The following KYAT1 variants were observed in gnomAD, a reference collection of about 807,000 sequenced individuals.
The protein encoded by KYAT1 is kynurenine aminotransferase 1.
In KYAT1, 47 loss-of-function variants were observed where a neutral mutation model predicts 52.4. The observed-to-expected ratio is 0.90, with a 90% CI of 0.71 to 1.14. The LOEUF is 1.14. Ranked by LOEUF, KYAT1 falls within the 50% of genes most tolerant of loss-of-function variation. The pLI, the probability that KYAT1 is intolerant of heterozygous loss-of-function variation, is 0.00. For missense variants in KYAT1, 480 were observed against 557.9 expected (o/e 0.86, Z 1.41); for synonymous variants, 212 against 209.6 (o/e 1.01, Z -0.10).
intron 1 of KYAT1, among the ~76,000 whole-genome samples, chr9:128,876,510 C>T (rs533126217): frequency 2.6e-4 from 40 of 151,114 alleles, no homozygotes; most frequent in South Asian, 8.4e-4. Flanking sequence ...CTCCACCTCC[C>T]GGGTTCACGC....
intron 1 of KYAT1, among the ~76,000 whole-genome samples, chr9:128,856,448 G>A (rs564213441): frequency 1.3e-5 from 2 of 152,294 alleles, no homozygotes; most frequent in East Asian, 3.9e-4. Flanking sequence ...AGAAAAGGGG[G>A]ATATGTACGG....
At chr9:128,848,907 C>A (rs182978914) in intron 1 of KYAT1, among the ~76,000 whole-genome samples, 2 of 150,994 alleles carry the variant, frequency 1.3e-5, no homozygotes, top group East Asian at 3.9e-4. Flanking sequence ...GCGGGAGGAT[C>A]ATTTGAGGTC....
At chr9:128,877,096 C>T (rs1838156900) in intron 1 of KYAT1, among the ~76,000 whole-genome samples, 1 of 152,096 alleles carries the variant, frequency 6.6e-6, no homozygotes, top group East Asian at 1.9e-4. Flanking sequence ...TGGGGTTTCA[C>T]CATGTTGGCC....
At chr9:128,840,568 G>GA (rs369955556) in intron 3 of KYAT1, 1,362 of 287,080 alleles carry the variant, frequency 4.7e-3, no homozygotes, top group East Asian at 9.0e-3. Context: ...CTAGTTAAAA[G>GA]AAAAAAAAAA....
At chr9:128,852,727 C>T (rs1219733973) in intron 1 of KYAT1, among the ~76,000 whole-genome samples, 1 of 152,184 alleles carries the variant, frequency 6.6e-6, no homozygotes, top group Non-Finnish European at 1.5e-5. Context: ...CATTAAAAAA[C>T]ATTAAATGAC....
chr9:128,835,158 A>G, intron 11 of KYAT1, 165 bp downstream of exon 11: 1 of 672,770 alleles, frequency 1.5e-6, no homozygotes, highest in Non-Finnish European at 2.6e-6. Context: ...AAAGAAAGAA[A>G]AAAAGAAACA....
At chr9:128,856,456 C>A (rs571186308) in intron 1 of KYAT1, among the ~76,000 whole-genome samples, 1 of 152,088 alleles carries the variant, frequency 6.6e-6, no homozygotes, top group African/African-American at 2.4e-5. Flanking sequence ...GGGATATGTA[C>A]GGCAAAGAAA....
chr9:128,848,820 CAAA>C (rs746737161), intron 1 of KYAT1, among the ~76,000 whole-genome samples: 4 of 57,048 alleles, frequency 7.0e-5, no homozygotes, highest in African/African-American at 7.1e-5. Context: ...GACTCTGTCT[CAAA>C]AAAAAAAAAA....
chr9:128,837,636 A>G, intron 6 of KYAT1, 49 bp downstream of exon 6: 1 of 1,609,658 alleles, frequency 6.2e-7, no homozygotes, highest in Non-Finnish European at 8.5e-7. Context: ...ACAGTGCAGG[A>G]GACATGACCA....
chr9:128,835,383 C>T lies in KYAT1; in HGVS notation c.1062G>A (p.Leu354=), dbSNP rs767063824. ...ISDFKRKMPD[L]PGAVDEPYDR... is the part of the protein sequence containing the mutation. ...CATAGGGCTCATCCACAGCTCCAGG[C>T]AAGTCAGGCATCTTCCTCTCTGGGA... is the stretch of plus-strand genomic sequence containing the variant. The change falls in exon 11 of 13, where the codon TTG becomes TTA. Residue 354 remains leucine, a synonymous_variant. Transcript: ENST00000302586. 1.2e-6 allele frequency: 2 copies of T among 1,614,102 alleles called. No individual in the cohort carries two copies. Among genetic ancestry groups the T allele is most frequent in the East Asian group, 4.5e-5 (2 of 44,878 alleles).
intron 1 of KYAT1, chr9:128,846,989 C>A: frequency 1.2e-6 from 1 of 816,494 alleles, no homozygotes; most frequent in Non-Finnish European, 1.8e-6. Flanking sequence ...CTTGAAGAGG[C>A]TCAGGTACCT....
intron 11 of KYAT1, among the ~76,000 whole-genome samples, chr9:128,834,066 TG>T (rs1447154077): frequency 6.6e-6 from 1 of 152,146 alleles, no homozygotes; most frequent in East Asian, 1.9e-4. Context: ...AAGACCAGCC[TG>T]GCCAACATGG....
In KYAT1 at chr9:128,842,763, A is replaced by G. The variant is rs1832421842; in HGVS notation, c.92T>C (p.Val31Ala). The change falls in exon 3 of 13, where the codon GTG (valine) becomes GCG (alanine). Residue 31 changes from valine (V) to alanine (A), a missense_variant. Transcript: ENST00000302586. ...FVKLASEHDV[V>A]NLGQGFPDFP... is the part of the protein sequence containing the mutation. ...ATCCGGGAAGCCCTGGCCCAAGTTC[A>G]CGACGTCATGCTCACTGGCCAGTTT... 1 of 1,614,200 alleles carries G rather than the reference A, an allele frequency of 6.2e-7. No homozygotes were observed. The highest frequency in any genetic ancestry group is 8.5e-7 in the Non-Finnish European group (1 of 1,180,034).
chr9:128,841,232 C>A (rs1410930091), intron 3 of KYAT1, among the ~76,000 whole-genome samples: 2 of 152,086 alleles, frequency 1.3e-5, no homozygotes, highest in Non-Finnish European at 2.9e-5. Flanking sequence ...TGGCCAGGTG[C>A]GGTGGCTCAC....
rs763466379 is a variant in KYAT1, at chr9:128,849,795, CA to C, written c.-6-4385del. Among the ~76,000 whole-genome samples, 419 of 66,978 alleles carry C rather than the reference CA, an allele frequency of 6.3e-3. 2 individuals carry two copies. Among genetic ancestry groups the C allele is most frequent in the African/African-American group, 0.021 (395 of 18,520 alleles). 43.9% of individuals were successfully genotyped at this position (66,978 alleles called of 152,430 possible). A position where few individuals can be genotyped will look rare whatever the true frequency, so the allele number is the denominator to read the frequency against. On this transcript the variant is annotated intron_variant, in intron 1 of 12. Transcript: ENST00000302586. Reference sequence around the variant, plus strand: ...TGGGAGACAAAGTGAGACTCTGTCTCAAAAAAAAAAAAAAAGAAAAGAAAAG... The same window carrying C: ...TGGGAGACAAAGTGAGACTCTGTCTCAAAAAAAAAAAAAAGAAAAGAAAAG...
chr9:128,835,574 G>A lies in KYAT1; in HGVS notation c.949C>T (p.Arg317Cys), dbSNP rs770205049. Reference protein sequence around the residue: ...VQFPQAMQRCRDHMIRSLQSV... With the variant: ...VQFPQAMQRCCDHMIRSLQSV... ...TGTAGGCTACGTATCATGTGGTCACGGCAGCGCTGCATGGCCTGCGGGAAC... is the reference window on the plus strand; with the variant it reads ...TGTAGGCTACGTATCATGTGGTCACAGCAGCGCTGCATGGCCTGCGGGAAC... Residue 317 changes from arginine (R) to cysteine (C), a missense_variant, in exon 10 of 13, where the codon CGT (arginine) becomes TGT (cysteine). Arg to Cys is a radical substitution (Grantham distance 180, BLOSUM62 -3). Coordinates refer to ENST00000302586, the MANE Select transcript of KYAT1 (RefSeq NM_004059.5). 14 of 1,613,386 alleles carry A rather than the reference G, an allele frequency of 8.7e-6. No homozygotes were observed. Among genetic ancestry groups the A allele is most frequent in the Non-Finnish European group, 1.1e-5 (13 of 1,180,020 alleles).
upstream of KYAT1, chr9:128,882,143 G>C (rs1184051903): frequency 3.3e-5 from 5 of 152,450 alleles, no homozygotes; most frequent in African/African-American, 7.2e-5. Flanking sequence ...GAGTGGTGCA[G>C]TGAGGGACAA....
intron 11 of KYAT1, 173 bp downstream of exon 11, chr9:128,835,150 A>AT: frequency 1.6e-6 from 1 of 638,578 alleles, no homozygotes; most frequent in Non-Finnish European, 2.8e-6. Context: ...AAAAAAAAAA[A>AT]GAAAGAAAAA....
intron 1 of KYAT1, among the ~76,000 whole-genome samples, chr9:128,848,972 G>C (rs1449079219): frequency 6.6e-6 from 1 of 151,922 alleles, no homozygotes; most frequent in Non-Finnish European, 1.5e-5. Context: ...AAAATTAGCT[G>C]GGTGTGGTGG....
Sources: gnomAD v4.1 joint callset for allele counts (sites outside exome capture counted in the v4.1 genomes callset) on GRCh38, gnomAD v4.1.1 for gene constraint, MANE v1.5 for transcripts, NCBI Gene and HGNC (gene_info 2026-07-23, HGNC 2026-07-21) for gene names.